BCAS1: variants seen among roughly 807,000 people sequenced by gnomAD.
BCAS1 encodes brain enriched myelin associated protein 1, also known as breast carcinoma-amplified sequence 1.
A neutral mutation model predicts 65.4 loss-of-function variants in BCAS1; 46 were observed. The observed-to-expected ratio is 0.70, with a 90% CI of 0.55 to 0.90. The LOEUF (loss-of-function observed/expected upper bound fraction) is 0.90, where lower values mean the gene tolerates loss of function less well. BCAS1 is among the 40% of genes least tolerant of loss of function. The pLI is 0.00. For missense variants in BCAS1, 793 were observed against 771.2 expected, an observed-to-expected ratio of 1.03 and a Z score of -0.33; for synonymous variants, 298 against 293.5, an observed-to-expected ratio of 1.02 and a Z score of -0.16.
chr20:53,975,299 A>G (rs2038188891), intron 9 of BCAS1, 90 bp downstream of exon 9: 1 of 1,164,942 alleles, frequency 8.6e-7, no homozygotes, highest in Non-Finnish European at 1.3e-6. Context: ...AGCATGCAAG[A>G]ACACAGGACC....
chr20:53,987,065 G>C (rs1383126578), intron 7 of BCAS1, among the ~76,000 whole-genome samples: 1 of 152,150 alleles, frequency 6.6e-6, no homozygotes, highest in African/African-American at 2.4e-5. Flanking sequence ...CTGAACTTCT[G>C]GCTCCTTTCT....
intron 4 of BCAS1, among the ~76,000 whole-genome samples, chr20:54,020,304 A>G (rs888908963): frequency 1.3e-5 from 2 of 152,222 alleles, no homozygotes; most frequent in Admixed American, 1.3e-4. Context: ...AGGGAATGAT[A>G]ACTCAAAATT....
At chr20:54,038,063 T>C (rs1276268887) in intron 3 of BCAS1, among the ~76,000 whole-genome samples, 1 of 151,332 alleles carries the variant, frequency 6.6e-6, no homozygotes, top group African/African-American at 2.4e-5. Flanking sequence ...ATCCAAACTC[T>C]CTACTATGGG....
intron 4 of BCAS1, among the ~76,000 whole-genome samples, chr20:54,026,489 G>T (rs2299712): frequency 0.17 from 26,467 of 152,158 alleles, 2,403 homozygotes; most frequent in East Asian, 0.3. Flanking sequence ...ATTAAGATGG[G>T]GATTTGGATG....
intron 3 of BCAS1, among the ~76,000 whole-genome samples, chr20:54,055,352 T>C (rs2092281445): frequency 6.6e-6 from 1 of 152,212 alleles, no homozygotes; most frequent in South Asian, 2.1e-4. Flanking sequence ...CAGATCCATA[T>C]GGCTGGGGAG....
chr20:53,956,285 TTC>T (rs141973238), intron 11 of BCAS1, among the ~76,000 whole-genome samples: 21,276 of 152,226 alleles, frequency 0.14, 1,721 homozygotes, highest in South Asian at 0.21. Context: ...CTTATTCTCT[TTC>T]TCTCTCTGCC....
At chr20:53,976,809 C>T (rs117487541) in intron 8 of BCAS1, among the ~76,000 whole-genome samples, 2,143 of 152,300 alleles carry the variant, frequency 0.014, 52 homozygotes, top group East Asian at 0.098. Flanking sequence ...TAGTTATCTT[C>T]TTCCCACAGT....
At chr20:54,009,076 G>A (rs958128822) in intron 4 of BCAS1, among the ~76,000 whole-genome samples, 1 of 152,176 alleles carries the variant, frequency 6.6e-6, no homozygotes, top group Non-Finnish European at 1.5e-5. Flanking sequence ...GCCTCCCAAA[G>A]TTCTGGGATT....
rs781385361 is a variant in BCAS1 at position 53,996,049 on chromosome 20, T to C, written c.725A>G (p.Asp242Gly). ...TTCTTTTTCCTTGCCGTCAACTATG[T>C]CCTAGGGGCAAAACAGTTGTCACAG... ...GQSDDVPAGK[D>G]IVDGKEKEGQ... The change falls in exon 5 of 13, where the codon GAC becomes GGC. Residue 242 changes from aspartate (D) to glycine (G), a missense_variant and splice_region_variant. Asp to Gly is a moderately conservative substitution (Grantham distance 94). Transcript: ENST00000688948. The C allele has an allele frequency of 3.8e-6, 6 of 1,589,740 alleles. No individual in the cohort carries two copies. Among genetic ancestry groups the C allele is most frequent in the Non-Finnish European group, 5.1e-6 (6 of 1,168,114 alleles).
chr20:54,044,669 C>G (rs544494226), intron 3 of BCAS1, among the ~76,000 whole-genome samples: 1 of 151,848 alleles, frequency 6.6e-6, no homozygotes, highest in African/African-American at 2.4e-5. Context: ...GCAACCCCAT[C>G]TCTACTAAAA....
At chr20:54,037,011 C>A (rs557535217) in intron 3 of BCAS1, among the ~76,000 whole-genome samples, 3 of 151,012 alleles carry the variant, frequency 2.0e-5, no homozygotes, top group Non-Finnish European at 4.4e-5. Context: ...CACACACACA[C>A]GTTTGTATTA....
chr20:53,993,575 G>T (rs1244404911), intron 6 of BCAS1, among the ~76,000 whole-genome samples: 1 of 152,138 alleles, frequency 6.6e-6, no homozygotes, highest in African/African-American at 2.4e-5. Flanking sequence ...GGTCAGGGAG[G>T]AGTCTTGGTC....
At position 53,954,336 on chromosome 20, in the gene BCAS1, G is replaced by GAGAGAGAGA. The variant is rs1159772238; in HGVS notation, c.1552-642_1552-641insTCTCTCTCT. ...GAGAGAGAGAGAGAGAGAGAGAGAG[G>GAGAGAGAGA]GACCAGGCATTGATGGTATCATGCG... On this transcript the variant is annotated intron_variant, in intron 11 of 12. Transcript: ENST00000688948. 2.8e-3 allele frequency among the ~76,000 whole-genome samples: 239 copies of GAGAGAGAGA among 83,980 alleles called. 2 individuals are homozygous for GAGAGAGAGA. The highest frequency in any genetic ancestry group is 9.7e-3 in the East Asian group (35 of 3,594). The allele number at this position is 83,980 out of a possible 152,430, so 55.1% of individuals were successfully genotyped here.
chr20:54,068,969 C>T (rs1193308994), intron 1 of BCAS1, among the ~76,000 whole-genome samples: 1 of 152,146 alleles, frequency 6.6e-6, no homozygotes, highest in Non-Finnish European at 1.5e-5. Context: ...GGGCCCATTG[C>T]TTTTCCCAAA....
chr20:53,945,135 G>T, intron 12 of BCAS1, 139 bp from the exon 13 acceptor site: 2 of 765,128 alleles, frequency 2.6e-6, no homozygotes, highest in Non-Finnish European at 4.6e-6. Flanking sequence ...CTGGGTAAGA[G>T]AATGGTCTCC....
intron 1 of BCAS1, among the ~76,000 whole-genome samples, chr20:54,069,756 G>T (rs1403139505): frequency 6.6e-6 from 1 of 152,212 alleles, no homozygotes; most frequent in Non-Finnish European, 1.5e-5. Context: ...GAGGCCCAGA[G>T]GGCTGAGGGA....
chr20:54,009,989 A>G (rs1259060151), intron 4 of BCAS1, among the ~76,000 whole-genome samples: 1 of 152,220 alleles, frequency 6.6e-6, no homozygotes, highest in Non-Finnish European at 1.5e-5. Flanking sequence ...CATGATCACA[A>G]CAGTGAATGC....
At chr20:54,044,556 G>A (rs71623) in intron 3 of BCAS1, among the ~76,000 whole-genome samples, 48,226 of 152,004 alleles carry the variant, frequency 0.32, 7,978 homozygotes, top group South Asian at 0.41. Context: ...GAAATTTTCC[G>A]GCCGGGCGCG....
chr20:53,998,703 A>C (rs1461137472), intron 4 of BCAS1, among the ~76,000 whole-genome samples: 4 of 152,220 alleles, frequency 2.6e-5, no homozygotes, highest in Non-Finnish European at 5.9e-5. Context: ...ACTACTTATT[A>C]AGCATTACAT....
Sources: gnomAD v4.1 joint callset for allele counts (sites outside exome capture counted in the v4.1 genomes callset) on GRCh38, gnomAD v4.1.1 for gene constraint, MANE v1.5 for transcripts, NCBI Gene and HGNC (gene_info 2026-07-23, HGNC 2026-07-21) for gene names.